SLC16A5: variants seen among roughly 807,000 people sequenced by gnomAD.
SLC16A5 encodes monocarboxylate transporter 6.
SLC16A5 carries 29 observed loss-of-function variants against 33.2 expected under a neutral mutation model. The observed-to-expected ratio is 0.87, with a 90% CI of 0.65 to 1.19. The LOEUF (loss-of-function observed/expected upper bound fraction) is 1.19. Ranked by LOEUF, SLC16A5 falls within the 50% of genes most tolerant of loss-of-function variation. SLC16A5 has a pLI of 0.00. For synonymous variants in SLC16A5, 248 were observed against 284.1 expected (o/e 0.87, Z 1.28); for missense variants, 606 against 678.2 (o/e 0.89, Z 1.18).
chr17:75,100,696 A>T lies in SLC16A5; in HGVS notation c.1033A>T (p.Ile345Phe). 4 of 1,614,222 alleles carry T rather than the reference A, an allele frequency of 2.5e-6. No homozygotes were observed. The African/African-American group carries it at 4.0e-5, about 16-fold the overall frequency. ...GGCGTACAGCGTGTCCATGAGTGGC[A>T]TCGGCGCCCTCATCTTCCAGGTTCT... is the stretch of plus-strand genomic sequence containing the variant. ...CLAYSVSMSG[I>F]GALIFQVLMD... Residue 345 changes from isoleucine to phenylalanine, a missense_variant, in exon 5 of 7, where the codon ATC (isoleucine) becomes TTC (phenylalanine). Physicochemically the swap from Ile to Phe is conservative, Grantham distance 21. Coordinates refer to ENST00000329783, the MANE Select transcript of SLC16A5 (RefSeq NM_004695.4).
downstream of SLC16A5, among the ~76,000 whole-genome samples, chr17:75,106,443 C>G (rs1468575055): frequency 2.6e-5 from 4 of 152,042 alleles, no homozygotes; most frequent in African/African-American, 9.7e-5. Flanking sequence ...AGCCCACTTC[C>G]TGAAAACATT....
intron 6 of SLC16A5, 95 bp from the exon 7 acceptor site, chr17:75,105,785 C>G (rs1339347099): frequency 9.0e-6 from 13 of 1,437,932 alleles, no homozygotes; most frequent in African/African-American, 5.7e-5. Flanking sequence ...CCTAGCTCAG[C>G]AAGGGGTGCT....
rs371947524 is a variant in SLC16A5 at position 75,099,958 on chromosome 17, T to C, written c.344-49T>C. The C allele has an allele frequency of 2.6e-4, 407 of 1,540,690 alleles. 1 individual carries two copies. Among genetic ancestry groups the C allele is most frequent in the Non-Finnish European group, 3.2e-4 (369 of 1,141,774 alleles). ...CACTGACCCCACCCCTGGGTGCAGG[T>C]GGAAGGCCCCAGTGCGCCTCCAGGC... On this transcript the variant is annotated intron_variant, in intron 4 of 6. Transcript: ENST00000329783.
chr17:75,108,732 A>T (rs2066144645), downstream of SLC16A5, among the ~76,000 whole-genome samples: 1 of 152,220 alleles, frequency 6.6e-6, no homozygotes, highest in Admixed American at 6.5e-5. Context: ...AATTGTTTTG[A>T]AATATTTATC....
intron 5 of SLC16A5, among the ~76,000 whole-genome samples, chr17:75,103,088 A>C (rs993319639): frequency 1.3e-5 from 2 of 152,070 alleles, no homozygotes; most frequent in African/African-American, 4.8e-5. Flanking sequence ...ATGGGGTTTC[A>C]CTGTATTGGC....
chr17:75,107,054 T>C (rs1026746185), downstream of SLC16A5, among the ~76,000 whole-genome samples: 1 of 151,120 alleles, frequency 6.6e-6, no homozygotes, highest in African/African-American at 2.4e-5. Flanking sequence ...ATCATGCCTG[T>C]AATCCCAACA....
chr17:75,105,155 C>T (rs1404397842), intron 6 of SLC16A5: 48 of 985,294 alleles, frequency 4.9e-5, no homozygotes, highest in African/African-American at 1.6e-4. Context: ...TTGAGTGGCG[C>T]GCCCATCCTG....
chr17:75,100,956 A>G, intron 5 of SLC16A5, 140 bp downstream of exon 5: 1 of 913,140 alleles, frequency 1.1e-6, no homozygotes, highest in Non-Finnish European at 1.6e-6. Flanking sequence ...AACAGTTAAA[A>G]ACATGGGTTT....
downstream of SLC16A5, chr17:75,109,916 C>T (rs2073893501): frequency 4.7e-6 from 1 of 211,150 alleles, no homozygotes. The surrounding 1 kb of genome is among the most constrained non-coding windows in gnomAD (Gnocchi z 5.0). Context: ...AGGAGTTCGG[C>T]GACGGCCCCG....
At position 75,104,171 on chromosome 17, in the gene SLC16A5, C is replaced by G; in HGVS notation, c.1355C>G (p.Pro452Arg). The stretch of plus-strand genomic sequence containing the variant: ...GACGGTCCTGGGAAGCAACGGTCCC[C>G]TGAGATCATGTATGTAACCAGCGTC... ...AKDGPGKQRS[P>R]EIMCQSSRQP... The change falls in exon 6 of 7, where the codon CCT (proline) becomes CGT (arginine). Residue 452 changes from proline (P) to arginine (R), a missense_variant. Physicochemically the swap from Pro to Arg is moderately radical, Grantham distance 103. Transcript: ENST00000329783. 3 of 1,614,058 alleles carry G rather than the reference C, an allele frequency of 1.9e-6. No individual in the cohort carries two copies. Among genetic ancestry groups the G allele is most frequent in the Non-Finnish European group, 1.7e-6 (2 of 1,180,034 alleles).
At chr17:75,104,991 C>G in intron 6 of SLC16A5, 1 of 985,458 alleles carries the variant, frequency 1.0e-6, no homozygotes, top group Non-Finnish European at 1.2e-6. Flanking sequence ...CCATACCGTT[C>G]TGAAGAGCTC....
chr17:75,107,024 A>G (rs1412245328), downstream of SLC16A5, among the ~76,000 whole-genome samples: 1 of 152,070 alleles, frequency 6.6e-6, no homozygotes, highest in East Asian at 1.9e-4. Flanking sequence ...AAGGGAAAAA[A>G]AAAAAGCCAA....
At chr17:75,091,774 C>T (rs1328369086) in intron 2 of SLC16A5, among the ~76,000 whole-genome samples, 1 of 152,220 alleles carries the variant, frequency 6.6e-6, no homozygotes, top group Non-Finnish European at 1.5e-5. Flanking sequence ...GTGGGCTTCA[C>T]TGAGGTGGAG....
intron 2 of SLC16A5, chr17:75,093,181 G>C (rs1222161973): frequency 1.9e-6 from 1 of 536,410 alleles, no homozygotes; most frequent in African/African-American, 1.9e-5. Flanking sequence ...GGGTGCATTT[G>C]GGGGGCGTTG....
Position 75,104,190 on chromosome 17 carries a change from C to T in SLC16A5, c.1364+10C>T, listed in dbSNP as rs545633123. On this transcript the variant is annotated intron_variant, in intron 6 of 6. Transcript: ENST00000329783. ...GGTCCCCTGAGATCATGTATGTAAC[C>T]AGCGTCTAAGACCCAGGGTTCATCT... 3.9e-5 allele frequency: 63 copies of T among 1,613,482 alleles called. No individual in the cohort carries two copies. In the South Asian group the frequency reaches 5.5e-4, roughly 14 times the overall value.
intron 5 of SLC16A5, among the ~76,000 whole-genome samples, chr17:75,103,148 C>A (rs1048305969): frequency 1.1e-4 from 16 of 151,916 alleles, no homozygotes; most frequent in South Asian, 6.2e-4. Context: ...CTCGGCCTCC[C>A]AGAGTGCTGG....
At chr17:75,099,048 C>G (rs1476205090) in intron 4 of SLC16A5, among the ~76,000 whole-genome samples, 1 of 152,162 alleles carries the variant, frequency 6.6e-6, no homozygotes, top group Non-Finnish European at 1.5e-5. Flanking sequence ...TGATTGAGAA[C>G]TTTTTCTCCA....
chr17:75,089,958 C>G (rs1042725029), intron 2 of SLC16A5: 3 of 151,760 alleles, frequency 2.0e-5, no homozygotes, highest in African/African-American at 4.9e-5. Flanking sequence ...AAATTACTCA[C>G]TACCTTTGCA....
chr17:75,106,628 C>T (rs1001549689), downstream of SLC16A5, among the ~76,000 whole-genome samples: 1 of 146,242 alleles, frequency 6.8e-6, no homozygotes, highest in African/African-American at 2.5e-5. Context: ...GGTGTGGTGG[C>T]TCACGCCTGT....
Sources: allele counts gnomAD v4.1 joint callset (sites outside exome capture counted in the v4.1 genomes callset), GRCh38; gene constraint gnomAD v4.1.1; non-coding constraint Gnocchi (gnomAD v3.1); transcripts MANE v1.5; gene names NCBI Gene and HGNC (gene_info 2026-07-23, HGNC 2026-07-21).